Variants in JAK1 observed in about 807,000 individuals in gnomAD.
The protein encoded by JAK1 is Janus kinase 1, also known as tyrosine-protein kinase JAK1.
Under a neutral mutation model 136.6 loss-of-function variants are expected in JAK1, and 16 were observed. The observed-to-expected ratio is 0.12, with a 90% CI of 0.08 to 0.18. The LOEUF is 0.18. JAK1 is among the 10% of genes least tolerant of loss of function. The pLI is 1.00. For synonymous variants in JAK1, 492 were observed against 519.5 expected (o/e 0.95, Z 0.72); for missense variants, 859 against 1,450.1 (o/e 0.59, Z 6.62).
intron 1 of JAK1, among the ~76,000 whole-genome samples, chr1:64,954,506 G>A (rs961047814): frequency 6.6e-5 from 10 of 152,098 alleles, no homozygotes; most frequent in African/African-American, 1.4e-4. Flanking sequence ...TGCTTTGCTC[G>A]TTTTCCACCA....
At chr1:64,951,059 C>T (rs1276863088) in intron 1 of JAK1, among the ~76,000 whole-genome samples, 2 of 152,186 alleles carry the variant, frequency 1.3e-5, no homozygotes, top group Non-Finnish European at 2.9e-5. Context: ...TGGCTATAAA[C>T]TCAGAACCAA....
intron 2 of JAK1, among the ~76,000 whole-genome samples, chr1:64,997,211 C>T (rs548150447): frequency 6.6e-6 from 1 of 152,184 alleles, no homozygotes; most frequent in African/African-American, 2.4e-5. Context: ...GGAATATAAA[C>T]CCAGAGTCAA....
rs766239143 is a variant in JAK1, at chr1:64,879,032, G to A, written c.322C>T (p.Arg108Trp). 1 of 1,613,980 alleles carries A rather than the reference G, an allele frequency of 6.2e-7. No individual in the cohort carries two copies. The highest frequency in any genetic ancestry group is 1.7e-5 in the Admixed American group (1 of 60,018). ...DDKMSLRLHYRMRFYFTNWHG... is the reference protein window; with the variant it reads ...DDKMSLRLHYWMRFYFTNWHG... ...GGTCAGTACTTCCCATACCTCATCC[G>A]GTAGTGGAGCCGGAGGGACATCTTG... is the stretch of plus-strand genomic sequence containing the variant. Residue 108 changes from arginine (R) to tryptophan (W), a missense_variant, in exon 4 of 25, where the codon CGG becomes TGG. Transcript: ENST00000342505.
At chr1:64,912,935 C>T (rs1323694803) in intron 1 of JAK1, among the ~76,000 whole-genome samples, 2 of 152,206 alleles carry the variant, frequency 1.3e-5, no homozygotes, top group African/African-American at 4.8e-5. Flanking sequence ...ATATTTATTA[C>T]TCTCTAGCTG....
intron 2 of JAK1, chr1:64,985,904 G>A (rs931403018): frequency 9.7e-6 from 7 of 722,556 alleles, no homozygotes; most frequent in African/African-American, 3.6e-5. Context: ...CCATAGACAA[G>A]CACCAAAGGG....
intron 1 of JAK1, among the ~76,000 whole-genome samples, chr1:64,928,974 T>C (rs1645641128): frequency 6.6e-6 from 1 of 152,226 alleles, no homozygotes; most frequent in African/African-American, 2.4e-5. Flanking sequence ...AAAGCTGCTC[T>C]TGCCAATTCT....
intron 2 of JAK1, among the ~76,000 whole-genome samples, chr1:64,971,614 A>G (rs1646452608): frequency 6.6e-6 from 1 of 151,504 alleles, no homozygotes; most frequent in Admixed American, 6.6e-5. Flanking sequence ...GCTCGAGTAC[A>G]GTGGCGTGAT....
intron 2 of JAK1, among the ~76,000 whole-genome samples, chr1:65,008,860 A>T (rs1646825173): frequency 6.6e-6 from 1 of 151,946 alleles, no homozygotes; most frequent in Admixed American, 6.6e-5. Context: ...GCTAATTTTT[A>T]AATTTTTTGT....
At chr1:64,926,496 T>G (rs1453369771) in intron 1 of JAK1, among the ~76,000 whole-genome samples, 1 of 151,630 alleles carries the variant, frequency 6.6e-6, no homozygotes, top group Non-Finnish European at 1.5e-5. Context: ...CATTAACGAT[T>G]ATCAGTATAC....
chr1:64,924,535 T>C (rs1570784008), intron 1 of JAK1, among the ~76,000 whole-genome samples: 1 of 152,200 alleles, frequency 6.6e-6, no homozygotes, highest in Non-Finnish European at 1.5e-5. Context: ...AGCTGTGCTC[T>C]GCTATGAGGC....
At chr1:65,067,100 C>A (rs1250103653) in intron 1 of JAK1, among the ~76,000 whole-genome samples, 1 of 151,984 alleles carries the variant, frequency 6.6e-6, no homozygotes, top group Non-Finnish European at 1.5e-5. Flanking sequence ...CAAACCCAGT[C>A]CGGCAACACC....
At chr1:64,949,324 T>A (rs1342626519) in intron 1 of JAK1, among the ~76,000 whole-genome samples, 1 of 152,202 alleles carries the variant, frequency 6.6e-6, no homozygotes, top group Non-Finnish European at 1.5e-5. Flanking sequence ...ACAGGTGATT[T>A]TAACCTGACT....
chr1:65,028,481 A>AAGGG (rs55960932), intron 2 of JAK1, among the ~76,000 whole-genome samples: 5,281 of 122,062 alleles, frequency 0.043, 349 homozygotes, highest in East Asian at 0.33. Flanking sequence ...GAAAGGAAGG[A>AAGGG]AGGGAGGGAG....
intron 1 of JAK1, among the ~76,000 whole-genome samples, chr1:65,050,739 G>A (rs1424288064): frequency 1.3e-5 from 2 of 152,206 alleles, no homozygotes; most frequent in African/African-American, 4.8e-5. Context: ...AAATTTTAAA[G>A]CAATTTTACA....
chr1:64,878,561 G>GTA lies in JAK1; in HGVS notation c.329+462_329+463dup, dbSNP rs56881589. Among the ~76,000 whole-genome samples, 606 of 119,474 alleles carry GTA rather than the reference G, an allele frequency of 5.1e-3. 3 individuals are homozygous for GTA. The highest frequency in any genetic ancestry group is 7.5e-3 in the Non-Finnish European group (423 of 56,482). The allele number at this position is 119,474 out of a possible 152,430, so 78.4% of individuals were successfully genotyped here. On this transcript the variant is annotated intron_variant, in intron 4 of 24. Coordinates refer to ENST00000342505, the MANE Select transcript of JAK1 (RefSeq NM_002227.4). ...ATCATGACCTTTATATATATAGTGT[G>GTA]TATATATATATATATATATATATAT...
At chr1:64,940,886 C>T (rs1285946435) in intron 1 of JAK1, among the ~76,000 whole-genome samples, 4 of 152,100 alleles carry the variant, frequency 2.6e-5, no homozygotes, top group South Asian at 2.1e-4. Flanking sequence ...TTTGGCCAGG[C>T]GCAGTCAGTC....
chr1:64,876,924 A>C (rs1333690078), intron 4 of JAK1, among the ~76,000 whole-genome samples: 2 of 152,260 alleles, frequency 1.3e-5, no homozygotes, highest in African/African-American at 4.8e-5. Flanking sequence ...GATATTATAC[A>C]CAACAAACTC....
upstream of JAK1, among the ~76,000 whole-genome samples, chr1:64,966,972 C>T (rs1468880147): frequency 6.6e-6 from 1 of 151,696 alleles, no homozygotes; most frequent in East Asian, 1.9e-4. Context: ...TAGTGGAGCA[C>T]TAGACTAAAA....
intron 3 of JAK1, 45 bp downstream of exon 3, chr1:64,883,232 G>A (rs2101262844): frequency 6.7e-7 from 1 of 1,501,758 alleles, no homozygotes; most frequent in Non-Finnish European, 9.1e-7. Flanking sequence ...TTCTGAACTA[G>A]TGTGTTGGTG....
Sources: allele counts gnomAD v4.1 joint callset (sites outside exome capture counted in the v4.1 genomes callset), GRCh38; gene constraint gnomAD v4.1.1; transcripts MANE v1.5; gene names NCBI Gene and HGNC (gene_info 2026-07-23, HGNC 2026-07-21).